TLL1: variants seen among roughly 807,000 people sequenced by gnomAD.
TLL1 encodes the protein tolloid-like protein 1.
TLL1 carries 49 observed loss-of-function variants against 128.2 expected under a neutral mutation model. The observed-to-expected ratio is 0.38, with a 90% CI of 0.30 to 0.48. The LOEUF (loss-of-function observed/expected upper bound fraction) is 0.48. Ranked by LOEUF, TLL1 falls within the 20% of genes least tolerant of loss-of-function variation. The pLI is 0.96. For missense variants in TLL1, 1,123 were observed against 1,242.0 expected, an observed-to-expected ratio of 0.90 and a Z score of 1.44; for synonymous variants, 454 against 418.8, an observed-to-expected ratio of 1.08 and a Z score of -1.03.
rs1389667660 is a variant in TLL1, at chr4:166,060,200, A to T, written c.2007+12A>T. On this transcript the variant is annotated intron_variant, in intron 15 of 20. Coordinates refer to ENST00000061240, the MANE Select transcript of TLL1 (RefSeq NM_012464.5). ...TGGAAGGCAATGAAGTAAGTGAACA[A>T]TAACTGTAATTTTTTAAATCATGTT... 6.2e-7 allele frequency: 1 copy of T among 1,613,228 alleles called. No homozygotes were observed. Among genetic ancestry groups the T allele is most frequent in the Admixed American group, 1.7e-5 (1 of 59,920 alleles).
chr4:166,099,541 C>A lies in TLL1; in HGVS notation c.2907+14C>A, dbSNP rs17047267. ...TGTGGATCCGGGGTAAATATACCACCAACAGAATACCCTAGACATGATTAA... is the reference window on the plus strand; with the variant it reads ...TGTGGATCCGGGGTAAATATACCACAAACAGAATACCCTAGACATGATTAA... On this transcript the variant is annotated intron_variant, in intron 20 of 20. Coordinates refer to ENST00000061240, the MANE Select transcript of TLL1 (RefSeq NM_012464.5). 4,663 of 1,604,208 alleles carry A rather than the reference C, an allele frequency of 2.9e-3. 129 individuals carry two copies. In the African/African-American group the frequency reaches 0.056, roughly 19 times the overall value.
chr4:165,884,658 A>C (rs1731095756), intron 1 of TLL1, among the ~76,000 whole-genome samples: 1 of 152,154 alleles, frequency 6.6e-6, no homozygotes, highest in Non-Finnish European at 1.5e-5. Flanking sequence ...CAACATGGGG[A>C]AACCCCATCT....
At chr4:165,889,086 A>G (rs879455156) in intron 1 of TLL1, among the ~76,000 whole-genome samples, 7 of 152,190 alleles carry the variant, frequency 4.6e-5, no homozygotes, top group Admixed American at 1.3e-4. Context: ...TATCTAGCAT[A>G]TTGAGTTATG....
At chr4:166,074,773 A>T (rs1374273948) in intron 16 of TLL1, 105 bp from the exon 17 acceptor site, 1 of 1,373,430 alleles carries the variant, frequency 7.3e-7, no homozygotes, top group Non-Finnish European at 1.0e-6. Flanking sequence ...AGAAACCATG[A>T]CTTAGTTTAC....
chr4:165,876,339 A>T (rs1730720944), intron 1 of TLL1, among the ~76,000 whole-genome samples: 1 of 39,752 alleles, frequency 2.5e-5, no homozygotes. Context: ...AGCAAGAGTC[A>T]AAAAAAAAAA....
chr4:165,897,801 T>C (rs1731755505), intron 1 of TLL1, among the ~76,000 whole-genome samples: 1 of 151,348 alleles, frequency 6.6e-6, no homozygotes, highest in African/African-American at 2.4e-5. Context: ...TAGCATTGAG[T>C]CTATAAATTA....
intron 1 of TLL1, among the ~76,000 whole-genome samples, chr4:165,981,161 C>T (rs28550779): frequency 0.043 from 6,462 of 151,978 alleles, 458 homozygotes; most frequent in African/African-American, 0.15. Context: ...TTTTTTTCCC[C>T]CATGGTTCTT....
chr4:165,957,349 A>G (rs935472062), intron 1 of TLL1, among the ~76,000 whole-genome samples: 18 of 152,098 alleles, frequency 1.2e-4, no homozygotes, highest in Non-Finnish European at 2.4e-4. Context: ...CCAGACTTAT[A>G]AAACAAGCAC....
At chr4:165,913,033 C>T (rs148813121) in intron 1 of TLL1, among the ~76,000 whole-genome samples, 1 of 151,882 alleles carries the variant, frequency 6.6e-6, no homozygotes, top group Non-Finnish European at 1.5e-5. Context: ...AACTATGAAG[C>T]AATTACGTGT....
At chr4:166,036,913 C>T (rs1739030291) in intron 9 of TLL1, among the ~76,000 whole-genome samples, 1 of 151,498 alleles carries the variant, frequency 6.6e-6, no homozygotes, top group Non-Finnish European at 1.5e-5. Context: ...ACACATACTT[C>T]TAATTTAGCT....
At chr4:165,976,723 T>C (rs1350089190) in intron 1 of TLL1, among the ~76,000 whole-genome samples, 1 of 152,196 alleles carries the variant, frequency 6.6e-6, no homozygotes, top group Non-Finnish European at 1.5e-5. Flanking sequence ...CTTAGATATA[T>C]GACAGAGACA....
chr4:165,978,871 C>T lies in TLL1; in HGVS notation c.170-10510C>T, dbSNP rs182561807. On this transcript the variant is annotated intron_variant, in intron 1 of 20. Transcript: ENST00000061240. Reference sequence around the variant, plus strand: ...AAACCTAGTTGTCATCCTTTATTTCCTTACTCATGTGCTGTTTACTGTGTG... The same window carrying T: ...AAACCTAGTTGTCATCCTTTATTTCTTTACTCATGTGCTGTTTACTGTGTG... Among the ~76,000 whole-genome samples the T allele has an allele frequency of 3.3e-5, 5 of 152,272 alleles. No individual in the cohort carries two copies. The East Asian group carries it at 9.6e-4, about 29-fold the overall frequency.
At chr4:166,076,138 T>A (rs1275284281) in intron 17 of TLL1, among the ~76,000 whole-genome samples, 5 of 152,106 alleles carry the variant, frequency 3.3e-5, no homozygotes, top group African/African-American at 2.4e-5. Context: ...AGTGGGGTGA[T>A]CTCAGCTGAT....
chr4:166,010,475 G>A (rs752928570), intron 7 of TLL1, among the ~76,000 whole-genome samples: 1 of 150,214 alleles, frequency 6.7e-6, no homozygotes, highest in Non-Finnish European at 1.5e-5. Flanking sequence ...TCTAAATCAG[G>A]TTATTTGATT....
chr4:165,953,992 A>G (rs992711470), intron 1 of TLL1, among the ~76,000 whole-genome samples: 1 of 151,962 alleles, frequency 6.6e-6, no homozygotes, highest in African/African-American at 2.4e-5. Context: ...TTTCTTTTCA[A>G]TTTTACTCTG....
At chr4:166,009,766 A>G (rs2111043886) in intron 7 of TLL1, among the ~76,000 whole-genome samples, 1 of 151,520 alleles carries the variant, frequency 6.6e-6, no homozygotes, top group Admixed American at 6.6e-5. Context: ...AAAATTTGAC[A>G]TAGGTCTCAT....
intron 7 of TLL1, among the ~76,000 whole-genome samples, chr4:166,011,113 C>A (rs1397527307): frequency 6.6e-6 from 1 of 151,030 alleles, no homozygotes. Context: ...AATATTTTTT[C>A]TTTTTCAAAA....
intron 15 of TLL1, 130 bp from the exon 16 acceptor site, chr4:166,065,553 T>C: frequency 1.1e-6 from 1 of 920,974 alleles, no homozygotes; most frequent in Non-Finnish European, 1.7e-6. Context: ...CTGATTTTTT[T>C]CCTTACCTGT....
chr4:166,042,976 C>A (rs1739305328), intron 11 of TLL1, among the ~76,000 whole-genome samples: 1 of 152,088 alleles, frequency 6.6e-6, no homozygotes, highest in African/African-American at 2.4e-5. Flanking sequence ...AACAAACTCA[C>A]AGAGAATAAA....
Sources: gnomAD v4.1 joint callset for allele counts (sites outside exome capture counted in the v4.1 genomes callset) on GRCh38, gnomAD v4.1.1 for gene constraint, MANE v1.5 for transcripts, NCBI Gene and HGNC (gene_info 2026-07-23, HGNC 2026-07-21) for gene names.